The following BFAR variants were observed in gnomAD, a reference collection of about 807,000 sequenced individuals.
BFAR encodes RING finger protein 47.
BFAR carries 52 observed loss-of-function variants against 54.4 expected under a neutral mutation model. The ratio of observed to expected loss-of-function variants is 0.96; its 90% CI spans 0.77 to 1.21. BFAR has a LOEUF of 1.21. Among genes scored for constraint, BFAR ranks in the 50% most tolerant of loss-of-function variants. The pLI, the probability that BFAR is intolerant of heterozygous loss-of-function variation, is 0.00. For synonymous variants in BFAR, 215 were observed against 204.3 expected (o/e 1.05, Z -0.45); for missense variants, 571 against 534.0 (o/e 1.07, Z -0.68).
intron 3 of BFAR, among the ~76,000 whole-genome samples, chr16:14,649,079 T>TC (rs1469727546): frequency 1.3e-5 from 2 of 148,422 alleles, no homozygotes; most frequent in African/African-American, 5.0e-5. Context: ...TCTTTTTTTT[T>TC]TTTTTTTTTT....
At chr16:14,638,181 G>A (rs1302357948) in intron 1 of BFAR, among the ~76,000 whole-genome samples, 1 of 152,210 alleles carries the variant, frequency 6.6e-6, no homozygotes, top group East Asian at 1.9e-4. Context: ...CCAGGAACTC[G>A]AGACCATCAT....
chr16:14,648,889 C>T (rs1054457087), intron 3 of BFAR, among the ~76,000 whole-genome samples: 2 of 152,116 alleles, frequency 1.3e-5, no homozygotes, highest in Admixed American at 1.3e-4. Flanking sequence ...GAGACGGACT[C>T]TTGCTCTGTC....
chr16:14,665,134 A>G (rs1247964564), intron 7 of BFAR, 63 bp downstream of exon 7: 3 of 1,432,040 alleles, frequency 2.1e-6, no homozygotes, highest in Non-Finnish European at 2.9e-6. Flanking sequence ...TGAGAGAAAG[A>G]TCCTCTTTTA....
chr16:14,642,211 C>T (rs1443532041), intron 1 of BFAR, among the ~76,000 whole-genome samples: 2 of 152,162 alleles, frequency 1.3e-5, no homozygotes, highest in South Asian at 2.1e-4. Context: ...AGAAACTCAC[C>T]AGAAATAGTA....
chr16:14,644,475 C>G lies in BFAR; in HGVS notation c.129C>G (p.Asn43Lys). ...ACTGCTGCTACGACATCCTGGTTAA[C>G]CCCACCACCTTGAACTGTGGGCACA... Reference protein sequence around the residue: ...SCHCCYDILVNPTTLNCGHSF... With the variant: ...SCHCCYDILVKPTTLNCGHSF... Residue 43 changes from asparagine (N) to lysine (K), a missense_variant, in exon 2 of 8, where the codon AAC (asparagine) becomes AAG (lysine). Transcript: ENST00000261658. The G allele has an allele frequency of 1.2e-6, 2 of 1,614,074 alleles. No individual in the cohort carries two copies. The highest frequency in any genetic ancestry group is 1.7e-6 in the Non-Finnish European group (2 of 1,180,024).
In BFAR at chr16:14,661,376, G is replaced by T. The variant is rs528761181; in HGVS notation, c.784-516G>T. On this transcript the variant is annotated intron_variant, in intron 5 of 7. Coordinates refer to ENST00000261658, the MANE Select transcript of BFAR (RefSeq NM_016561.3). The stretch of plus-strand genomic sequence containing the variant: ...TGCTTTTCACCCCTCCCCCCAGCTA[G>T]AGCTAGAGATTGGATCTTTTTTTTT... Among the ~76,000 whole-genome samples, 149 of 141,526 alleles carry T rather than the reference G, an allele frequency of 1.1e-3. 1 individual carries two copies. The highest frequency in any genetic ancestry group is 3.5e-3 in the African/African-American group (136 of 39,328). 92.8% of individuals were successfully genotyped at this position (141,526 alleles called of 152,430 possible).
chr16:14,647,850 C>G (rs1959846728), intron 2 of BFAR, among the ~76,000 whole-genome samples: 1 of 152,186 alleles, frequency 6.6e-6, no homozygotes, highest in Non-Finnish European at 1.5e-5. Context: ...TGTGATACTT[C>G]ATTGTATGAA....
chr16:14,659,252 T>G (rs958264052), intron 5 of BFAR, among the ~76,000 whole-genome samples: 5 of 146,624 alleles, frequency 3.4e-5, no homozygotes, highest in African/African-American at 1.3e-4. Flanking sequence ...TTGTTTTTTG[T>G]TTTTTTTTGA....
chr16:14,648,886 A>G (rs1376246845), intron 3 of BFAR, among the ~76,000 whole-genome samples: 3 of 151,508 alleles, frequency 2.0e-5, no homozygotes, highest in African/African-American at 7.3e-5. Flanking sequence ...TTTGAGACGG[A>G]CTCTTGCTCT....
At chr16:14,650,397 T>C (rs1367185938) in intron 4 of BFAR, 2 of 154,034 alleles carry the variant, frequency 1.3e-5, no homozygotes, top group African/African-American at 4.8e-5. Context: ...TCCATGGTTT[T>C]TAATGTGTTC....
intron 1 of BFAR, among the ~76,000 whole-genome samples, chr16:14,635,667 C>G (rs1240815441): frequency 6.6e-6 from 1 of 152,050 alleles, no homozygotes; most frequent in Non-Finnish European, 1.5e-5. Context: ...CACCTTTGCT[C>G]CACTGGTTTC....
chr16:14,664,107 G>A (rs1200260990), intron 6 of BFAR, among the ~76,000 whole-genome samples: 2 of 152,058 alleles, frequency 1.3e-5, no homozygotes, highest in Admixed American at 6.6e-5. Context: ...GCCGGGCGTG[G>A]TGGTATACAC....
Position 14,667,928 on chromosome 16 carries a change from C to T in BFAR, c.*101C>T. ...GAGCGGACTTCCTATTTTCTACCCT[C>T]AGTAAAACAAGGTGCTGCTTTGTAT... is the stretch of plus-strand genomic sequence containing the variant. On this transcript the variant is annotated 3_prime_UTR_variant, in exon 8 of 8. Coordinates refer to ENST00000261658, the MANE Select transcript of BFAR (RefSeq NM_016561.3). The T allele has an allele frequency of 8.0e-7, 1 of 1,255,676 alleles. No homozygotes were observed. Among genetic ancestry groups the T allele is most frequent in the Non-Finnish European group, 1.1e-6 (1 of 889,232 alleles). 77.8% of individuals were successfully genotyped at this position (1,255,676 alleles called of 1,614,324 possible).
chr16:14,645,264 C>G (rs905115766), intron 2 of BFAR, among the ~76,000 whole-genome samples: 1 of 151,840 alleles, frequency 6.6e-6, no homozygotes, highest in East Asian at 1.9e-4. Flanking sequence ...GCAATGAGCT[C>G]ACACCACTAC....
At chr16:14,648,270 G>A (rs1199153009) in intron 2 of BFAR, 118 bp from the exon 3 acceptor site, 2 of 752,054 alleles carry the variant, frequency 2.7e-6, no homozygotes, top group East Asian at 2.6e-5. Flanking sequence ...TACATTTCTT[G>A]TCAGTTCTCC....
chr16:14,644,856 T>TG (rs1959744340), intron 2 of BFAR, among the ~76,000 whole-genome samples: 1 of 152,126 alleles, frequency 6.6e-6, no homozygotes, highest in Admixed American at 6.6e-5. Context: ...GTCGCACACT[T>TG]GGAGCCCACC....
At chr16:14,656,196 C>T (rs766112949) in intron 5 of BFAR, among the ~76,000 whole-genome samples, 4 of 151,430 alleles carry the variant, frequency 2.6e-5, no homozygotes, top group African/African-American at 4.9e-5. Flanking sequence ...AGCAAGACTC[C>T]GTCCCAAAAA....
At chr16:14,665,573 T>G (rs1244034101) in intron 7 of BFAR, among the ~76,000 whole-genome samples, 2 of 152,116 alleles carry the variant, frequency 1.3e-5, no homozygotes, top group African/African-American at 4.8e-5. Flanking sequence ...ACTCAGGGCT[T>G]GTATACATAG....
intron 1 of BFAR, among the ~76,000 whole-genome samples, chr16:14,641,599 C>T (rs1469328321): frequency 1.3e-5 from 2 of 151,004 alleles, no homozygotes; most frequent in African/African-American, 4.9e-5. Context: ...TGGTGGCTCA[C>T]GCCTGTAATC....
Sources: allele counts gnomAD v4.1 joint callset (sites outside exome capture counted in the v4.1 genomes callset), GRCh38; gene constraint gnomAD v4.1.1; transcripts MANE v1.5; gene names NCBI Gene and HGNC (gene_info 2026-07-23, HGNC 2026-07-21).